Variants in TBC1D5 observed in about 807,000 individuals in gnomAD.
TBC1D5 encodes TBC1 domain family, member 5.
Under a neutral mutation model 100.3 loss-of-function variants are expected in TBC1D5, and 75 were observed. The observed-to-expected ratio is 0.75, with a 90% CI of 0.62 to 0.91. TBC1D5 has a LOEUF of 0.91. Ranked by LOEUF, TBC1D5 falls within the 40% of genes least tolerant of loss-of-function variation. TBC1D5 has a pLI of 0.00. For synonymous variants in TBC1D5, 323 were observed against 325.6 expected (o/e 0.99, Z 0.09); for missense variants, 910 against 942.4 (o/e 0.97, Z 0.45).
chr3:17,366,251 C>T (rs753721399), intron 13 of TBC1D5, among the ~76,000 whole-genome samples: 90 of 151,878 alleles, frequency 5.9e-4, no homozygotes, highest in Non-Finnish European at 6.2e-4. Context: ...GAGATCACAC[C>T]GCTGCGCTCC....
intron 18 of TBC1D5, among the ~76,000 whole-genome samples, chr3:17,205,091 T>C (rs2071976734): frequency 6.6e-6 from 1 of 152,244 alleles, no homozygotes; most frequent in Non-Finnish European, 1.5e-5. Context: ...ATCATGAGAC[T>C]TAAACTGCTG....
chr3:17,577,952 T>C (rs898825051), intron 2 of TBC1D5, among the ~76,000 whole-genome samples: 3 of 151,980 alleles, frequency 2.0e-5, no homozygotes, highest in African/African-American at 7.2e-5. Context: ...AGCAAGGTGA[T>C]TTATGCCACA....
intron 1 of TBC1D5, among the ~76,000 whole-genome samples, chr3:17,710,774 T>C (rs907919878): frequency 6.6e-6 from 1 of 152,040 alleles, no homozygotes; most frequent in South Asian, 2.1e-4. Context: ...CTCGGCTCAC[T>C]GCAACTGCCA....
At chr3:17,381,177 C>T (rs2092929656) in intron 9 of TBC1D5, among the ~76,000 whole-genome samples, 1 of 151,954 alleles carries the variant, frequency 6.6e-6, no homozygotes, top group Non-Finnish European at 1.5e-5. Flanking sequence ...CCTGATCTTC[C>T]ATATTCCTGA....
chr3:17,668,096 A>AAT (rs771423420), intron 1 of TBC1D5, among the ~76,000 whole-genome samples: 28 of 149,332 alleles, frequency 1.9e-4, no homozygotes, highest in South Asian at 1.0e-3. Flanking sequence ...CATTCCACTA[A>AAT]ATATATATAT....
At chr3:17,691,457 A>G (rs2071145308) in intron 1 of TBC1D5, among the ~76,000 whole-genome samples, 1 of 152,230 alleles carries the variant, frequency 6.6e-6, no homozygotes, top group East Asian at 1.9e-4. Flanking sequence ...AATAAATTCC[A>G]TATTTAAAGC....
chr3:17,682,934 T>C (rs2069703567), intron 1 of TBC1D5, among the ~76,000 whole-genome samples: 1 of 151,492 alleles, frequency 6.6e-6, no homozygotes. Flanking sequence ...CTAATTCATC[T>C]GTTCTCAGAG....
intron 2 of TBC1D5, among the ~76,000 whole-genome samples, chr3:17,587,797 A>C (rs2096741793): frequency 6.6e-6 from 1 of 152,038 alleles, no homozygotes; most frequent in Non-Finnish European, 1.5e-5. Context: ...TTTTTCGTGT[A>C]TGGCTGAACT....
chr3:17,169,542 A>C (rs187203333), intron 19 of TBC1D5, among the ~76,000 whole-genome samples: 3 of 152,368 alleles, frequency 2.0e-5, no homozygotes, highest in Admixed American at 2.0e-4. Flanking sequence ...ATTTATTGAG[A>C]AAACTTGACT....
chr3:17,420,229 A>T (rs2094176221), intron 4 of TBC1D5, among the ~76,000 whole-genome samples: 2 of 152,200 alleles, frequency 1.3e-5, no homozygotes, highest in South Asian at 4.1e-4. Flanking sequence ...ATAAAGATAT[A>T]GACAAACGTT....
At chr3:17,507,613 C>T (rs1345195126) in intron 3 of TBC1D5, among the ~76,000 whole-genome samples, 2 of 152,092 alleles carry the variant, frequency 1.3e-5, no homozygotes, top group East Asian at 1.9e-4. Context: ...GAAAATAACA[C>T]ACATGATTTA....
At chr3:17,449,233 T>C (rs6795454) in intron 3 of TBC1D5, among the ~76,000 whole-genome samples, 13,875 of 152,218 alleles carry the variant, frequency 0.091, 1,432 homozygotes, top group African/African-American at 0.26. Flanking sequence ...TCACGGTTTT[T>C]GCAACCTGCA....
At chr3:17,714,487 C>T (rs1018725162) in intron 1 of TBC1D5, among the ~76,000 whole-genome samples, 1 of 152,120 alleles carries the variant, frequency 6.6e-6, no homozygotes, top group African/African-American at 2.4e-5. Flanking sequence ...AGGAGTACTC[C>T]CAAAGAGAGC....
chr3:17,290,265 C>T (rs753486416), intron 15 of TBC1D5, among the ~76,000 whole-genome samples: 16 of 152,050 alleles, frequency 1.1e-4, no homozygotes, highest in African/African-American at 3.1e-4. Context: ...TATATGTACA[C>T]GACTTTATTG....
At chr3:17,736,699 G>A (rs1202399377) in intron 1 of TBC1D5, among the ~76,000 whole-genome samples, 1 of 152,058 alleles carries the variant, frequency 6.6e-6, no homozygotes, top group Non-Finnish European at 1.5e-5. Flanking sequence ...CACCTCCAAA[G>A]TCTCAATATA....
In TBC1D5 at chr3:17,634,626, T is replaced by TAAAAAAAAA. The variant is rs1000749608; in HGVS notation, c.-100-10722_-100-10714dup. On this transcript the variant is annotated intron_variant, in intron 1 of 21. Coordinates refer to ENST00000253692, the Ensembl canonical transcript of TBC1D5. ...GGGGACGTGGGGATGGCTAATAGGG[T>TAAAAAAAAA]AAAAAAAAAAAAAAAAAAAGTGAAT... Among the ~76,000 whole-genome samples, 9 of 85,502 alleles carry TAAAAAAAAA rather than the reference T, an allele frequency of 1.1e-4. No individual in the cohort carries two copies. In the East Asian group the frequency reaches 1.2e-3, roughly 12 times the overall value. 56.1% of individuals were successfully genotyped at this position (85,502 alleles called of 152,430 possible).
At chr3:17,232,328 A>C (rs1576156803) in intron 17 of TBC1D5, among the ~76,000 whole-genome samples, 1 of 152,206 alleles carries the variant, frequency 6.6e-6, no homozygotes, top group African/African-American at 2.4e-5. Flanking sequence ...TGTAGCAATT[A>C]ATGTTGGGAC....
At chr3:17,593,978 A>G (rs1181748532) in intron 2 of TBC1D5, among the ~76,000 whole-genome samples, 1 of 152,174 alleles carries the variant, frequency 6.6e-6, no homozygotes, top group Non-Finnish European at 1.5e-5. Context: ...ACCACTCACC[A>G]ATCACCCCTA....
At chr3:17,625,118 G>A (rs1027342155) in intron 1 of TBC1D5, among the ~76,000 whole-genome samples, 4 of 151,910 alleles carry the variant, frequency 2.6e-5, no homozygotes, top group African/African-American at 9.7e-5. Context: ...GACAATCCAA[G>A]AGCAAACATT....
Sources: gnomAD v4.1 joint callset for allele counts (sites outside exome capture counted in the v4.1 genomes callset) on GRCh38, gnomAD v4.1.1 for gene constraint, MANE v1.5 for transcripts, NCBI Gene and HGNC (gene_info 2026-07-23, HGNC 2026-07-21) for gene names.